LNPEP: variants seen among roughly 807,000 people sequenced by gnomAD.
LNPEP encodes leucyl and cystinyl aminopeptidase.
In LNPEP, 64 loss-of-function variants were observed where a neutral mutation model predicts 120.6. The ratio of observed to expected loss-of-function variants is 0.53; its 90% CI spans 0.43 to 0.65. The LOEUF is 0.65. Ranked by LOEUF, LNPEP falls within the 30% of genes least tolerant of loss-of-function variation. The probability of loss-of-function intolerance (pLI) is 0.00; values close to 1 mark genes in which losing one functional copy is unlikely to be tolerated. For synonymous variants in LNPEP, 435 were observed against 425.4 expected (o/e 1.02, Z -0.28); for missense variants, 1,057 against 1,200.0 (o/e 0.88, Z 1.76).
chr5:96,954,695 CATATATACATATATACACAT>C (rs1561430029), intron 1 of LNPEP, among the ~76,000 whole-genome samples: 1 of 47,074 alleles, frequency 2.1e-5, no homozygotes, highest in Non-Finnish European at 4.7e-5. Context: ...CATATATACA[CATATATACATATATACACAT>C]ATATATACAT....
intron 1 of LNPEP, among the ~76,000 whole-genome samples, chr5:96,940,380 A>G (rs947541080): frequency 5.3e-5 from 8 of 152,056 alleles, no homozygotes; most frequent in East Asian, 3.8e-4. Context: ...CAGTAATTCA[A>G]TCATACAGCT....
intron 4 of LNPEP, 59 bp downstream of exon 4, chr5:96,986,729 T>C (rs1790253501): frequency 6.8e-7 from 1 of 1,479,366 alleles, no homozygotes; most frequent in Admixed American, 1.8e-5. Flanking sequence ...GAGGACCTCT[T>C]GCTTTAACGA....
At chr5:96,942,400 T>A (rs925749621) in intron 1 of LNPEP, 2 of 152,200 alleles carry the variant, frequency 1.3e-5, no homozygotes, top group Non-Finnish European at 2.9e-5. Context: ...ACACCTATAC[T>A]CCCAGCACTT....
At chr5:96,969,253 C>CT (rs200779297) in intron 1 of LNPEP, among the ~76,000 whole-genome samples, 10,395 of 142,042 alleles carry the variant, frequency 0.073, 519 homozygotes, top group African/African-American at 0.15. Flanking sequence ...AGAATGCTTG[C>CT]TTTTTTTTTT....
rs117261112 is a variant in LNPEP, at chr5:97,028,299, G to A, written c.2947-103G>A. 2.6e-3 allele frequency: 2,687 copies of A among 1,022,000 alleles called. 81 individuals carry two copies. In the East Asian group the frequency reaches 0.056, roughly 21 times the overall value. The allele number at this position is 1,022,000 out of a possible 1,614,324, so 63.3% of individuals were successfully genotyped here. A position where few individuals can be genotyped will look rare whatever the true frequency, so the allele number is the denominator to read the frequency against. ...ACTTCTTTCTACTGCTTTCAAGATA[G>A]CAGCACAGCCATCACTAAGTTAAAG... On this transcript the variant is annotated intron_variant, in intron 17 of 17. Coordinates refer to ENST00000231368, the MANE Select transcript of LNPEP (RefSeq NM_005575.3).
At chr5:96,945,307 G>A (rs891927699) in intron 1 of LNPEP, among the ~76,000 whole-genome samples, 4 of 151,742 alleles carry the variant, frequency 2.6e-5, no homozygotes, top group Admixed American at 2.0e-4. Context: ...CTGCTTGAGA[G>A]GCTGAGGTGA....
intron 1 of LNPEP, among the ~76,000 whole-genome samples, chr5:96,972,334 C>T (rs929855662): frequency 6.6e-6 from 1 of 152,054 alleles, no homozygotes; most frequent in African/African-American, 2.4e-5. Flanking sequence ...TACTTCTACA[C>T]TGAGGCCTTT....
At position 96,979,392 on chromosome 5, in the gene LNPEP, G is replaced by T. The variant is rs1278937227; in HGVS notation, c.274G>T (p.Ala92Ser). 3 of 1,614,066 alleles carry T rather than the reference G, an allele frequency of 1.9e-6. No individual in the cohort carries two copies. The highest frequency in any genetic ancestry group is 2.5e-6 in the Non-Finnish European group (3 of 1,179,980). Residue 92 changes from alanine (A) to serine (S), a missense_variant, in exon 2 of 18, where the codon GCA becomes TCA. By Grantham distance (99) the Ala-to-Ser change is moderately conservative. Coordinates refer to ENST00000231368, the MANE Select transcript of LNPEP (RefSeq NM_005575.3). ...TAGAAGCTCAGGCCTTCGGAACAGT[G>T]CAACTGGTTACAGGCAGAGCCCAGA... is the stretch of plus-strand genomic sequence containing the variant. ...MNRSSGLRNS[A>S]TGYRQSPDGA... is the part of the protein sequence containing the mutation.
At chr5:97,005,373 T>G (rs1790755005) in intron 9 of LNPEP, among the ~76,000 whole-genome samples, 1 of 152,176 alleles carries the variant, frequency 6.6e-6, no homozygotes, top group Admixed American at 6.5e-5. Flanking sequence ...ACTAGATGTC[T>G]TAGGGGCTTT....
intron 14 of LNPEP, among the ~76,000 whole-genome samples, chr5:97,023,384 G>A (rs140705543): frequency 0.012 from 1,763 of 152,150 alleles, 39 homozygotes; most frequent in Admixed American, 0.051. Flanking sequence ...ATCCGGAGTA[G>A]CTGGGATTAC....
chr5:97,003,670 G>T (rs981238184), intron 9 of LNPEP, 124 bp downstream of exon 9: 4 of 545,532 alleles, frequency 7.3e-6, no homozygotes, highest in Non-Finnish European at 1.2e-5. Context: ...AGAAAGGGGG[G>T]GATGGAGCTT....
chr5:97,026,894 T>A, intron 16 of LNPEP, 137 bp downstream of exon 16: 1 of 662,750 alleles, frequency 1.5e-6, no homozygotes, highest in Non-Finnish European at 2.6e-6. Flanking sequence ...AACTGAAACA[T>A]CCGGAAATTT....
intron 5 of LNPEP, among the ~76,000 whole-genome samples, 177 bp from the exon 6 acceptor site, chr5:96,993,640 T>G (rs1790444407): frequency 6.6e-6 from 1 of 152,218 alleles, no homozygotes; most frequent in Admixed American, 6.5e-5. Flanking sequence ...TGAACAGGTC[T>G]TCCTCAGCTG....
At chr5:97,016,214 A>G (rs537497959) in intron 13 of LNPEP, among the ~76,000 whole-genome samples, 5 of 152,046 alleles carry the variant, frequency 3.3e-5, no homozygotes, top group Non-Finnish European at 7.4e-5. Flanking sequence ...GATTTTTATC[A>G]TTTTCTATTT....
intron 3 of LNPEP, among the ~76,000 whole-genome samples, chr5:96,986,263 C>G (rs1003163091): frequency 5.3e-5 from 8 of 152,058 alleles, no homozygotes; most frequent in Non-Finnish European, 1.2e-4. Context: ...GAAGCAGAAC[C>G]AATGTGACTA....
rs184477557 is a variant in LNPEP, at chr5:97,012,865, C to A, written c.2036-783C>A. The stretch of plus-strand genomic sequence containing the variant: ...CCTATCCTTTCCTATTGTTTTAACC[C>A]AATTATTTCTTATTTGTCCCTTATG... On this transcript the variant is annotated intron_variant, in intron 11 of 17. Coordinates refer to ENST00000231368, the MANE Select transcript of LNPEP (RefSeq NM_005575.3). Among the ~76,000 whole-genome samples the A allele has an allele frequency of 8.9e-4, 136 of 152,190 alleles. 2 individuals are homozygous for A. The East Asian group carries it at 0.014, about 16-fold the overall frequency.
At chr5:96,939,294 A>G (rs1438232860) in intron 1 of LNPEP, among the ~76,000 whole-genome samples, 1 of 151,262 alleles carries the variant, frequency 6.6e-6, no homozygotes, top group African/African-American at 2.4e-5. Context: ...GCTCACTGCA[A>G]CCTCTGCCTC....
rs763236570 is a variant in LNPEP, at chr5:97,006,511, A to G, written c.2031A>G (p.Lys677=). The G allele has an allele frequency of 3.4e-6, 5 of 1,485,286 alleles. No homozygotes were observed. Among genetic ancestry groups the G allele is most frequent in the Admixed American group, 3.4e-5 (2 of 59,182 alleles). The allele number at this position is 1,485,286 out of a possible 1,614,324, so 92.0% of individuals were successfully genotyped here. A position where few individuals can be genotyped will look rare whatever the true frequency, so the allele number is the denominator to read the frequency against. The part of the protein sequence containing the change: ...KYQSVSLLDK[K]SGVINLTEEV... ...AATCGGTATCATTACTGGATAAGAA[A>G]TCAGGTTTGACTATAATGACAGTTC... Residue 677 remains lysine, a synonymous_variant, in exon 11 of 18, where the codon AAA becomes AAG. Coordinates refer to ENST00000231368, the MANE Select transcript of LNPEP (RefSeq NM_005575.3).
chr5:97,008,334 C>CTTTTTTTTTTTTT (rs1561450377), intron 11 of LNPEP, among the ~76,000 whole-genome samples: 1 of 48,656 alleles, frequency 2.1e-5, no homozygotes, highest in Admixed American at 2.1e-4. Flanking sequence ...TTTGTTTTTT[C>CTTTTTTTTTTTTT]TTGTTTTTTT....
Sources: allele counts gnomAD v4.1 joint callset (sites outside exome capture counted in the v4.1 genomes callset), GRCh38; gene constraint gnomAD v4.1.1; transcripts MANE v1.5; gene names NCBI Gene and HGNC (gene_info 2026-07-23, HGNC 2026-07-21).